Variants in DOK4 observed in about 807,000 individuals in gnomAD.
DOK4 encodes docking protein 4, also known as downstream of tyrosine kinase 4.
In DOK4, 26 loss-of-function variants were observed where a neutral mutation model predicts 40.1. The observed-to-expected ratio is 0.65, with a 90% CI of 0.48 to 0.90. The LOEUF is 0.90. Among genes scored for constraint, DOK4 ranks in the 40% least tolerant of loss-of-function variants. DOK4 has a pLI of 0.00. For missense variants in DOK4, 392 were observed against 437.2 expected (o/e 0.90, Z 0.92); for synonymous variants, 179 against 177.0 (o/e 1.01, Z -0.09).
At chr16:57,474,240 GAATT>G (rs2031038827) in intron 6 of DOK4, among the ~76,000 whole-genome samples, 1 of 152,164 alleles carries the variant, frequency 6.6e-6, no homozygotes, top group African/African-American at 2.4e-5. Context: ...TGCATTATAA[GAATT>G]AACCCATTCA....
intron 2 of DOK4, chr16:57,476,223 T>C (rs1384932679): frequency 1.3e-5 from 6 of 479,410 alleles, no homozygotes; most frequent in South Asian, 2.2e-5. Flanking sequence ...TGCCATGTAC[T>C]GTGTGCACCG....
chr16:57,482,363 G>GTT (rs11390639), intron 1 of DOK4, among the ~76,000 whole-genome samples: 3,293 of 92,966 alleles, frequency 0.035, 247 homozygotes, highest in African/African-American at 0.046. Flanking sequence ...TGGGGCTTTT[G>GTT]TTTTTTTTTT....
chr16:57,486,679 G>A (rs1199625170), upstream of DOK4, among the ~76,000 whole-genome samples: 1 of 151,904 alleles, frequency 6.6e-6, no homozygotes, highest in Non-Finnish European at 1.5e-5. Context: ...CCCTCCCTGG[G>A]CCCCAAAGCC....
chr16:57,473,330 CGCA>C, exon 9 of DOK4: 1 of 1,578,204 alleles, frequency 6.3e-7, no homozygotes, highest in Non-Finnish European at 8.6e-7. Context: ...CAGCCAGCCC[CGCA>C]GCAGGCAGCC....
chr16:57,479,034 T>G lies in DOK4; in HGVS notation c.66+408A>C, dbSNP rs1200762015. Reference sequence around the variant, plus strand: ...AGGAGAGGTGAGGGGAGGCCGGGGGTGGGGGGCAAACGGAAGGGAGAGGAG... The same window carrying G: ...AGGAGAGGTGAGGGGAGGCCGGGGGGGGGGGGCAAACGGAAGGGAGAGGAG... On this transcript the variant is annotated intron_variant, in intron 2 of 8. Transcript: ENST00000340099. The surrounding 1 kb of genome is among the most constrained non-coding windows in gnomAD (Gnocchi z 5.8). Among the ~76,000 whole-genome samples the G allele has an allele frequency of 6.7e-6, 1 of 148,706 alleles. No individual in the cohort carries two copies. Among genetic ancestry groups the G allele is most frequent in the African/African-American group, 2.5e-5 (1 of 40,108 alleles).
intron 1 of DOK4, among the ~76,000 whole-genome samples, chr16:57,482,414 T>C (rs2031444060): frequency 7.3e-6 from 1 of 137,810 alleles, no homozygotes; most frequent in African/African-American, 2.7e-5. Context: ...TTGCCCAGGC[T>C]GGAGTGCAGT....
Position 57,485,998 on chromosome 16 carries a change from C to T in DOK4, c.-182+307G>A, listed in dbSNP as rs2031529280. ...TATGCCCCTTCCGGGGGGGCAGGCCCGGGAGCGCAGGGCCTGGGTTGCTCG... is the reference window on the plus strand; with the variant it reads ...TATGCCCCTTCCGGGGGGGCAGGCCTGGGAGCGCAGGGCCTGGGTTGCTCG... On this transcript the variant is annotated intron_variant, in intron 1 of 8. Transcript: ENST00000340099. This position sits in a 1 kb window ranked among gnomAD's most constrained non-coding sequence, Gnocchi z 4.3. Among the ~76,000 whole-genome samples, 1 of 152,060 alleles carries T rather than the reference C, an allele frequency of 6.6e-6. No individual in the cohort carries two copies. Among genetic ancestry groups the T allele is most frequent in the Admixed American group, 6.5e-5 (1 of 15,272 alleles).
chr16:57,475,332 G>A, intron 4 of DOK4, 113 bp from the exon 5 acceptor site: 2 of 1,523,804 alleles, frequency 1.3e-6, no homozygotes, highest in Non-Finnish European at 1.8e-6. Flanking sequence ...AGTGGGTTCT[G>A]CCTGCCTGTC....
chr16:57,478,158 T>C (rs1455137167), intron 2 of DOK4, among the ~76,000 whole-genome samples: 1 of 152,204 alleles, frequency 6.6e-6, no homozygotes, highest in Non-Finnish European at 1.5e-5. Flanking sequence ...TGTTCTGTGC[T>C]CCAAGTCAGT....
chr16:57,472,806 A>C (rs1048297812), exon 9 of DOK4: 1 of 153,336 alleles, frequency 6.5e-6, no homozygotes, highest in Non-Finnish European at 1.5e-5. Context: ...GGCAAGCAGC[A>C]CAGAGGAAGT....
intron 1 of DOK4, among the ~76,000 whole-genome samples, chr16:57,481,233 G>C (rs1413954530): frequency 6.6e-6 from 1 of 152,148 alleles, no homozygotes; most frequent in Non-Finnish European, 1.5e-5. Flanking sequence ...CGCACAGATG[G>C]GACTACCCCA....
At chr16:57,475,022 C>A (rs764519968) in intron 5 of DOK4, 40 bp from the exon 6 acceptor site, 22 of 1,600,280 alleles carry the variant, frequency 1.4e-5, no homozygotes, top group Non-Finnish European at 1.9e-5. Flanking sequence ...CCAGAGTTGC[C>A]CCAGATGGGG....
intron 1 of DOK4, among the ~76,000 whole-genome samples, chr16:57,483,178 C>T (rs1315789871): frequency 6.6e-6 from 1 of 152,158 alleles, no homozygotes; most frequent in African/African-American, 2.4e-5. Context: ...AGGGAAAGGT[C>T]AGGGCCAATA....
chr16:57,485,725 C>A lies in DOK4; in HGVS notation c.-182+580G>T, dbSNP rs2031522408. ...GAAAGCATGTAACTGGATCTAGGGC[C>A]TTGCGGGCCCTGGGGGAGAAGGTGG... On this transcript the variant is annotated intron_variant, in intron 1 of 8. Coordinates refer to ENST00000340099, the Ensembl canonical transcript of DOK4. The surrounding 1 kb of genome is among the most constrained non-coding windows in gnomAD (Gnocchi z 4.3). Among the ~76,000 whole-genome samples the A allele has an allele frequency of 6.6e-6, 1 of 152,204 alleles. No individual in the cohort carries two copies. The highest frequency in any genetic ancestry group is 1.9e-4 in the East Asian group (1 of 5,188).
intron 1 of DOK4, among the ~76,000 whole-genome samples, chr16:57,482,774 A>C (rs566106160): frequency 2.6e-4 from 39 of 152,174 alleles, no homozygotes; most frequent in Non-Finnish European, 4.4e-4. Context: ...GGTGTGAGCA[A>C]CTGCGCCTGG....
exon 4 of DOK4, chr16:57,475,619 A>C (rs1598050986): frequency 6.3e-7 from 1 of 1,591,172 alleles, no homozygotes; most frequent in Non-Finnish European, 8.5e-7. Context: ...GATCTCAGTC[A>C]CCTGGGACAG....
intron 1 of DOK4, among the ~76,000 whole-genome samples, chr16:57,482,363 GTTTTTTT>G (rs11390639): frequency 1.1e-5 from 1 of 93,026 alleles, no homozygotes; most frequent in South Asian, 3.8e-4. Context: ...TGGGGCTTTT[GTTTTTTT>G]TTTTTTTTTT....
chr16:57,483,220 T>A (rs1473171656), intron 1 of DOK4, among the ~76,000 whole-genome samples: 1 of 151,736 alleles, frequency 6.6e-6, no homozygotes, highest in Admixed American at 6.6e-5. Context: ...GGCAGTGGGG[T>A]CAAGTGGTGA....
chr16:57,479,459 T>C lies in DOK4; in HGVS notation c.49A>G (p.Lys17Glu). The change falls in exon 2 of 9, where the codon AAG (lysine) becomes GAG (glutamate). Residue 17 changes from lysine to glutamate, a missense_variant. By Grantham distance (56) the Lys-to-Glu change is moderately conservative. Coordinates refer to ENST00000340099, the Ensembl canonical transcript of DOK4. The surrounding 1 kb of genome is among the most constrained non-coding windows in gnomAD (Gnocchi z 5.8). ...TCACTCACCCCGAGCTTCCTGCTCT[T>C]CATCTTCACGTAGCCTTGCTTGACG... 6.2e-7 allele frequency: 1 copy of C among 1,613,830 alleles called. No individual in the cohort carries two copies. The highest frequency in any genetic ancestry group is 8.5e-7 in the Non-Finnish European group (1 of 1,179,924).
Sources: allele counts gnomAD v4.1 joint callset (sites outside exome capture counted in the v4.1 genomes callset), GRCh38; gene constraint gnomAD v4.1.1; non-coding constraint Gnocchi (gnomAD v3.1); transcripts MANE v1.5; gene names NCBI Gene and HGNC (gene_info 2026-07-23, HGNC 2026-07-21).